The following COBL variants were observed in gnomAD, a reference collection of about 807,000 sequenced individuals.
COBL encodes cordon-bleu WH2 repeat protein.
A neutral mutation model predicts 98.8 loss-of-function variants in COBL; 51 were observed. The observed-to-expected ratio is 0.52, with a 90% CI of 0.41 to 0.65. COBL has a LOEUF of 0.65. Ranked by LOEUF, COBL falls within the 30% of genes least tolerant of loss-of-function variation. The pLI is 0.00. For synonymous variants in COBL, 634 were observed against 651.7 expected (o/e 0.97, Z 0.41); for missense variants, 1,617 against 1,617.5 (o/e 1.00, Z 0.01).
intron 2 of COBL, among the ~76,000 whole-genome samples, chr7:51,194,540 T>A (rs1480031197): frequency 2.0e-5 from 3 of 152,166 alleles, no homozygotes; most frequent in African/African-American, 7.2e-5. Flanking sequence ...TGCCACACTG[T>A]CTCTTCCACA....
At chr7:51,074,191 A>ATTTTTTT (rs369421469) in intron 7 of COBL, among the ~76,000 whole-genome samples, 9 of 100,504 alleles carry the variant, frequency 9.0e-5, no homozygotes, top group African/African-American at 2.0e-4. Context: ...CAAGGTAATG[A>ATTTTTTT]TTTTTTTTTT....
At chr7:51,197,057 C>A (rs1216196790) in intron 2 of COBL, among the ~76,000 whole-genome samples, 1 of 150,978 alleles carries the variant, frequency 6.6e-6, no homozygotes, top group Non-Finnish European at 1.5e-5. Flanking sequence ...TATTTCTTGT[C>A]TTCTGCTAGC....
intron 7 of COBL, among the ~76,000 whole-genome samples, chr7:51,080,619 T>C (rs1444191916): frequency 1.3e-5 from 2 of 152,204 alleles, no homozygotes; most frequent in South Asian, 2.1e-4. Context: ...GGGCCTCATA[T>C]GTACTCAGGG....
intron 6 of COBL, among the ~76,000 whole-genome samples, chr7:51,120,132 T>C (rs924675141): frequency 2.6e-5 from 4 of 151,890 alleles, no homozygotes; most frequent in Non-Finnish European, 4.4e-5. Context: ...ATAGAAAAAA[T>C]AGAAAACAAC....
At chr7:51,263,280 G>A (rs1220161285) in intron 1 of COBL, among the ~76,000 whole-genome samples, 1 of 152,200 alleles carries the variant, frequency 6.6e-6, no homozygotes, top group Non-Finnish European at 1.5e-5. Flanking sequence ...CACAGGCCAG[G>A]AGGCCTGGGG....
chr7:51,310,945 T>C (rs1169048341), intron 1 of COBL, among the ~76,000 whole-genome samples: 2 of 151,614 alleles, frequency 1.3e-5, no homozygotes, highest in Admixed American at 1.3e-4. Flanking sequence ...CGTAAGCCAC[T>C]GAGCCCGGCC....
intron 6 of COBL, among the ~76,000 whole-genome samples, chr7:51,121,208 A>G (rs1434476108): frequency 6.6e-6 from 1 of 152,178 alleles, no homozygotes; most frequent in African/African-American, 2.4e-5. Flanking sequence ...TTCTCATAGC[A>G]GCCATCCTAA....
intron 1 of COBL, among the ~76,000 whole-genome samples, chr7:51,259,010 G>A (rs1368677306): frequency 6.6e-6 from 1 of 152,048 alleles, no homozygotes; most frequent in African/African-American, 2.4e-5. Flanking sequence ...AATCTCGGCC[G>A]AGCGCGGTGG....
At chr7:51,106,549 AG>A (rs1259011385) in intron 6 of COBL, among the ~76,000 whole-genome samples, 6 of 152,202 alleles carry the variant, frequency 3.9e-5, no homozygotes, top group Admixed American at 2.6e-4. Context: ...CCCAAGGTAT[AG>A]GAAGTTTTTA....
chr7:51,291,722 T>C (rs1421764375), intron 1 of COBL, among the ~76,000 whole-genome samples: 3 of 151,828 alleles, frequency 2.0e-5, no homozygotes, highest in South Asian at 2.1e-4. Context: ...GACCACGCCA[T>C]TGCACTCCAG....
intron 6 of COBL, among the ~76,000 whole-genome samples, chr7:51,093,485 T>G (rs182526795): frequency 1.0e-3 from 153 of 152,266 alleles, no homozygotes; most frequent in Middle Eastern, 6.8e-3. Context: ...GATCCAACCA[T>G]CCCCACTTCT....
chr7:51,156,620 A>G (rs1786157512), intron 5 of COBL: 2 of 981,040 alleles, frequency 2.0e-6, no homozygotes, highest in Non-Finnish European at 1.2e-6. Flanking sequence ...AGGGTCAAAT[A>G]TTGAGAAATA....
In COBL at chr7:51,316,743, C is replaced by T. The variant is rs1311560307; in HGVS notation, c.-110G>A. On this transcript the variant is annotated 5_prime_UTR_variant, in exon 1 of 13. Coordinates refer to ENST00000265136, the MANE Select transcript of COBL (RefSeq NM_015198.5). ...CACTTTTTCCGCGCTGACCCATCGT[C>T]CTCCCACGCGGGCCGGCGGAGGACA... is the stretch of plus-strand genomic sequence containing the variant. The T allele has an allele frequency of 1.1e-5, 10 of 879,918 alleles. No individual in the cohort carries two copies. Among genetic ancestry groups the T allele is most frequent in the Non-Finnish European group, 1.3e-5 (9 of 678,062 alleles). 54.5% of individuals were successfully genotyped at this position (879,918 alleles called of 1,614,324 possible).
In COBL at chr7:51,067,230, TG is replaced by T. The variant is rs112474059; in HGVS notation, c.1096+17935del. On this transcript the variant is annotated intron_variant, in intron 7 of 12. Coordinates refer to ENST00000265136, the MANE Select transcript of COBL (RefSeq NM_015198.5). Reference sequence around the variant, plus strand: ...GGCACACACACACAGTGTATACACATGGATGTATGAGTGCACGCACGTGTTA... The same window carrying T: ...GGCACACACACACAGTGTATACACATGATGTATGAGTGCACGCACGTGTTA... 2.6e-4 allele frequency among the ~76,000 whole-genome samples: 39 copies of T among 152,348 alleles called. 1 individual carries two copies. Among genetic ancestry groups the T allele is most frequent in the African/African-American group, 8.4e-4 (35 of 41,582 alleles).
intron 8 of COBL, among the ~76,000 whole-genome samples, chr7:51,038,277 G>A (rs1032807154): frequency 2.0e-5 from 3 of 152,216 alleles, no homozygotes; most frequent in African/African-American, 7.2e-5. Flanking sequence ...CATGTATGAA[G>A]CAGGTGCTGC....
chr7:51,034,269 T>A (rs1327671768), intron 8 of COBL: 1 of 152,398 alleles, frequency 6.6e-6, no homozygotes, highest in African/African-American at 2.4e-5. Context: ...AGAGTGGACA[T>A]GAGCTAGGAG....
At chr7:51,068,833 G>A (rs1792232978) in intron 7 of COBL, among the ~76,000 whole-genome samples, 3 of 152,158 alleles carry the variant, frequency 2.0e-5, no homozygotes, top group Admixed American at 2.0e-4. Context: ...ATGGAGACTT[G>A]TAGTTTTCCT....
chr7:51,288,185 G>A (rs1800548319), intron 1 of COBL, among the ~76,000 whole-genome samples: 1 of 152,154 alleles, frequency 6.6e-6, no homozygotes. Flanking sequence ...TGTAATCCCA[G>A]CACTTTGGGA....
chr7:51,075,237 T>A (rs1163797767), intron 7 of COBL, among the ~76,000 whole-genome samples: 3 of 152,214 alleles, frequency 2.0e-5, no homozygotes, highest in Non-Finnish European at 4.4e-5. Context: ...CATTTCCCAA[T>A]CACTGTCTTA....
Sources: allele counts gnomAD v4.1 joint callset (sites outside exome capture counted in the v4.1 genomes callset), GRCh38; gene constraint gnomAD v4.1.1; transcripts MANE v1.5; gene names NCBI Gene and HGNC (gene_info 2026-07-23, HGNC 2026-07-21).